The following CD244 variants were observed in gnomAD, a reference collection of about 807,000 sequenced individuals.
CD244 encodes CD244 molecule.
In CD244, 20 loss-of-function variants were observed where a neutral mutation model predicts 45.5. The observed-to-expected ratio is 0.44, with a 90% CI of 0.31 to 0.64. The LOEUF is 0.64. CD244 is among the 30% of genes least tolerant of loss of function. The pLI, the probability that CD244 is intolerant of heterozygous loss-of-function variation, is 0.08. For synonymous variants in CD244, 185 were observed against 160.5 expected (o/e 1.15, Z -1.15); for missense variants, 407 against 426.9 (o/e 0.95, Z 0.41).
chr1:160,849,973 T>C (rs926871489), intron 1 of CD244, among the ~76,000 whole-genome samples: 2 of 151,948 alleles, frequency 1.3e-5, no homozygotes, highest in South Asian at 2.1e-4. Context: ...GATGGCACCA[T>C]TGCACTCCAG....
Position 160,831,398 on chromosome 1 carries a change from G to A in CD244, c.1047C>T (p.Asn349=), listed in dbSNP as rs930887807. 6.2e-7 allele frequency: 1 copy of A among 1,614,132 alleles called. No individual in the cohort carries two copies. The highest frequency in any genetic ancestry group is 2.2e-5 in the East Asian group (1 of 44,890). Residue 349 remains asparagine, a synonymous_variant, in exon 9 of 9, where the codon AAC becomes AAT. Transcript: ENST00000368034. ...GCTCTTTGCGGCTCAATCGAGCAGG[G>A]TTCTGGGCTTTAGGTTGACTCTTTC... ...VIGKSQPKAQ[N]PARLSRKELE...
chr1:160,849,936 C>T (rs373482780), intron 1 of CD244, among the ~76,000 whole-genome samples: 1 of 151,922 alleles, frequency 6.6e-6, no homozygotes, highest in Non-Finnish European at 1.5e-5. Context: ...CACTTGAACC[C>T]GGGAAGCGGA....
At chr1:160,840,199 A>G (rs1669486902) in intron 3 of CD244, among the ~76,000 whole-genome samples, 1 of 149,246 alleles carries the variant, frequency 6.7e-6, no homozygotes, top group South Asian at 2.1e-4. Context: ...AAACACCTGG[A>G]CTCAAGTGAT....
At chr1:160,845,055 CAAGAGGAAACCAA>C (rs1227866950) in intron 1 of CD244, among the ~76,000 whole-genome samples, 1 of 152,134 alleles carries the variant, frequency 6.6e-6, no homozygotes, top group Non-Finnish European at 1.5e-5. Flanking sequence ...ATGACTGATG[CAAGAGGAAACCAA>C]AAGAACCACC....
chr1:160,831,719 T>C (rs1278578589), intron 8 of CD244, among the ~76,000 whole-genome samples: 1 of 152,162 alleles, frequency 6.6e-6, no homozygotes, highest in Non-Finnish European at 1.5e-5. Flanking sequence ...TTGGCTTTAA[T>C]GTTGGGTGAT....
At chr1:160,850,132 C>T (rs1005396488) in intron 1 of CD244, among the ~76,000 whole-genome samples, 2 of 151,922 alleles carry the variant, frequency 1.3e-5, no homozygotes, top group Admixed American at 6.6e-5. Flanking sequence ...TGCAAAATTG[C>T]TAGATATAAG....
rs553207716 is a variant in CD244, at chr1:160,835,886, G to T, written c.894+309C>A. ...AGGGCCCCAAGTATTAGAAGCAGCA[G>T]CAGGGCAAGAAAGCAGAAGTTGAGT... On this transcript the variant is annotated intron_variant, in intron 6 of 8. Coordinates refer to ENST00000368034, the MANE Select transcript of CD244 (RefSeq NM_016382.4). 1.4e-4 allele frequency among the ~76,000 whole-genome samples: 21 copies of T among 152,340 alleles called. No individual in the cohort carries two copies. In the South Asian group the frequency reaches 4.1e-3, roughly 30 times the overall value.
Position 160,836,227 on chromosome 1 carries a change from C to T in CD244, c.862G>A (p.Gly288Arg), listed in dbSNP as rs760921781. The T allele has an allele frequency of 8.1e-5, 131 of 1,613,784 alleles. No individual in the cohort carries two copies. The highest frequency in any genetic ancestry group is 1.1e-4 in the Non-Finnish European group (127 of 1,179,832). Residue 288 changes from glycine (G) to arginine (R), a missense_variant, in exon 6 of 9, where the codon GGG (glycine) becomes AGG (arginine). Coordinates refer to ENST00000368034, the MANE Select transcript of CD244 (RefSeq NM_016382.4). ...HEQEQTFPGG[G>R]STIYSMIQSQ... ...TGGATCATAGAGTAGATGGTGCTCC[C>T]CCCTCCAGGAAAAGTCTGCTCCTGC...
chr1:160,844,428 T>C lies in CD244; in HGVS notation c.62-2527A>G, dbSNP rs1302473389. 2.0e-5 allele frequency among the ~76,000 whole-genome samples: 3 copies of C among 152,382 alleles called. No homozygotes were observed. The South Asian group carries it at 6.2e-4, about 32-fold the overall frequency. ...ATACCATGTCCTTGCAATGTGACTT[T>C]ACAGCTCCTTCTGTTATCAAGAAAT... On this transcript the variant is annotated intron_variant, in intron 1 of 8. Transcript: ENST00000368034.
chr1:160,832,394 G>A (rs772265166), intron 8 of CD244, 125 bp downstream of exon 8: 69 of 662,312 alleles, frequency 1.0e-4, no homozygotes, highest in Non-Finnish European at 1.4e-4. Flanking sequence ...TGCATTAGAA[G>A]ATCTCTAAAT....
At chr1:160,832,914 G>A (rs953323534) in intron 7 of CD244, among the ~76,000 whole-genome samples, 1 of 148,100 alleles carries the variant, frequency 6.8e-6, no homozygotes, top group African/African-American at 2.5e-5. Context: ...ATACATATTT[G>A]TGTATATATA....
At chr1:160,834,187 C>T (rs762771379) in intron 6 of CD244, 71 bp from the exon 7 acceptor site, 31 of 1,144,504 alleles carry the variant, frequency 2.7e-5, no homozygotes, top group Middle Eastern at 1.9e-4. Flanking sequence ...TTATCTCTTC[C>T]GTTTCTCCTC....
chr1:160,858,823 T>A (rs1431402257), intron 1 of CD244, among the ~76,000 whole-genome samples: 1 of 152,086 alleles, frequency 6.6e-6, no homozygotes, highest in Non-Finnish European at 1.5e-5. Context: ...TCAAAATATA[T>A]CCAGAGAAAG....
intron 3 of CD244, 93 bp downstream of exon 3, chr1:160,841,117 G>T (rs1182723314): frequency 1.5e-6 from 2 of 1,291,804 alleles, no homozygotes; most frequent in Non-Finnish European, 2.2e-6. Flanking sequence ...GAGGCCAAGG[G>T]ATTTTATCTC....
chr1:160,841,065 G>A (rs931438659), intron 3 of CD244, 145 bp downstream of exon 3: 8 of 732,954 alleles, frequency 1.1e-5, no homozygotes, highest in Non-Finnish European at 1.8e-5. Flanking sequence ...TGTGCCTGGA[G>A]GCCAGGGCTA....
At chr1:160,851,581 T>C (rs776034290) in intron 1 of CD244, among the ~76,000 whole-genome samples, 5 of 152,178 alleles carry the variant, frequency 3.3e-5, no homozygotes, top group Admixed American at 6.5e-5. Flanking sequence ...GCTAAACCTA[T>C]AAAGCTTCCA....
At chr1:160,854,081 A>G (rs562020677) in intron 1 of CD244, among the ~76,000 whole-genome samples, 64 of 152,218 alleles carry the variant, frequency 4.2e-4, no homozygotes, top group Non-Finnish European at 7.6e-4. Flanking sequence ...CGTGTGGCTT[A>G]TGGGTCTGGT....
intron 1 of CD244, chr1:160,848,372 A>G: frequency 3.5e-6 from 2 of 568,428 alleles, no homozygotes; most frequent in Non-Finnish European, 3.4e-6. Flanking sequence ...GACTGAATGG[A>G]TGGATGGCAA....
chr1:160,862,596 C>T (rs747382923), intron 1 of CD244, 21 bp downstream of exon 1: 37 of 1,610,674 alleles, frequency 2.3e-5, no homozygotes, highest in Middle Eastern at 1.7e-4. Context: ...CCTCGCCCCA[C>T]GCCAGGTAGG....
Sources: gnomAD v4.1 joint callset for allele counts (sites outside exome capture counted in the v4.1 genomes callset) on GRCh38, gnomAD v4.1.1 for gene constraint, MANE v1.5 for transcripts, NCBI Gene and HGNC (gene_info 2026-07-23, HGNC 2026-07-21) for gene names.